The following CPT1C variants were observed in gnomAD, a reference collection of about 807,000 sequenced individuals.
The protein encoded by CPT1C is carnitine palmitoyltransferase 1C.
Under a neutral mutation model 97.3 loss-of-function variants are expected in CPT1C, and 61 were observed. The observed-to-expected ratio is 0.63, with a 90% CI of 0.51 to 0.78. The LOEUF is 0.78. Ranked by LOEUF, CPT1C falls within the 30% of genes least tolerant of loss-of-function variation. The probability of loss-of-function intolerance (pLI) is 0.00; values close to 1 mark genes in which losing one functional copy is unlikely to be tolerated. For synonymous variants in CPT1C, 469 were observed against 447.2 expected, an observed-to-expected ratio of 1.05 and a Z score of -0.61; for missense variants, 975 against 1,065.5, an observed-to-expected ratio of 0.92 and a Z score of 1.18.
At chr19:49,696,968 C>A (rs925877148) in intron 3 of CPT1C, among the ~76,000 whole-genome samples, 1 of 152,112 alleles carries the variant, frequency 6.6e-6, no homozygotes, top group Non-Finnish European at 1.5e-5. Context: ...CCTTGACCTC[C>A]CAAAGTGCTG....
In CPT1C at chr19:49,701,251, A is replaced by G. The variant is rs1212213482; in HGVS notation, c.454-66A>G. The G allele has an allele frequency of 1.9e-5, 26 of 1,379,028 alleles. No individual in the cohort carries two copies. In the South Asian group the frequency reaches 2.7e-4, roughly 14 times the overall value. The allele number at this position is 1,379,028 out of a possible 1,614,324, so 85.4% of individuals were successfully genotyped here. A position where few individuals can be genotyped will look rare whatever the true frequency, so the allele number is the denominator to read the frequency against. On this transcript the variant is annotated intron_variant, in intron 5 of 19. Transcript: ENST00000598293. Reference sequence around the variant, plus strand: ...TCTTTGGGTTTCTGTCCCACTGTCGACCCCTGCCCCGTCAACTCCCTGGCT... The same window carrying G: ...TCTTTGGGTTTCTGTCCCACTGTCGGCCCCTGCCCCGTCAACTCCCTGGCT...
At position 49,710,266 on chromosome 19, in the gene CPT1C, C is replaced by T. The variant is rs2083774575; in HGVS notation, c.1567-54C>T. 1.9e-6 allele frequency: 3 copies of T among 1,573,638 alleles called. No individual in the cohort carries two copies. In the South Asian group the frequency reaches 3.4e-5, roughly 18 times the overall value. ...CGCTTCCAGCCTTATTCCTGGCTTTCACCCTACCCCCATCTGTAACCCCAA... is the reference window on the plus strand; with the variant it reads ...CGCTTCCAGCCTTATTCCTGGCTTTTACCCTACCCCCATCTGTAACCCCAA... On this transcript the variant is annotated intron_variant, in intron 14 of 19. Coordinates refer to ENST00000598293, the MANE Select transcript of CPT1C (RefSeq NM_001199753.2).
At chr19:49,697,643 C>A in intron 4 of CPT1C, 178 bp downstream of exon 4, 2 of 644,986 alleles carry the variant, frequency 3.1e-6, no homozygotes, top group Non-Finnish European at 5.1e-6. Flanking sequence ...AGTGGCTCAC[C>A]CCTGTAATCC....
chr19:49,700,282 G>A (rs1568513984), intron 4 of CPT1C, among the ~76,000 whole-genome samples: 1 of 150,962 alleles, frequency 6.6e-6, no homozygotes, highest in Non-Finnish European at 1.5e-5. Flanking sequence ...AACGCTGATT[G>A]CTGGACCCCA....
At chr19:49,698,892 C>G (rs2082828291) in intron 4 of CPT1C, among the ~76,000 whole-genome samples, 2 of 151,862 alleles carry the variant, frequency 1.3e-5, no homozygotes, top group Non-Finnish European at 2.9e-5. Context: ...CACCTGAGGT[C>G]AGGAGCTTGA....
Position 49,710,849 on chromosome 19 carries a change from G to A in CPT1C, c.1858G>A (p.Glu620Lys), listed in dbSNP as rs1472516531. 1 of 1,612,110 alleles carries A rather than the reference G, an allele frequency of 6.2e-7. No homozygotes were observed. Among genetic ancestry groups the A allele is most frequent in the South Asian group, 1.1e-5 (1 of 91,016 alleles). The change falls in exon 16 of 20, where the codon GAG becomes AAG. Residue 620 changes from glutamate (E) to lysine (K), a missense_variant. Physicochemically the swap from Glu to Lys is moderately conservative, Grantham distance 56. Transcript: ENST00000598293. ...CTTTGTCAGGGCCATGGAGGACAAA[G>A]AGAAGACGGTGGGTGCAGCCCTCGC... Reference protein sequence around the residue: ...CNFVRAMEDKEKTDPQCLALF... With the variant: ...CNFVRAMEDKKKTDPQCLALF...
rs2084013116 is a variant in CPT1C, at chr19:49,713,040, C to T, written c.2202C>T (p.Ser734=). 6.2e-7 allele frequency: 1 copy of T among 1,613,890 alleles called. No homozygotes were observed. Among genetic ancestry groups the T allele is most frequent in the African/African-American group, 1.3e-5 (1 of 74,896 alleles). ...MGDGMITFHI[S]SKKSSTKTDS... ...ATGGCATGATCACCTTCCACATCTC[C>T]AGCAAAAAATCAAGCACAAAAACGG... The change falls in exon 19 of 20, where the codon TCC becomes TCT. Residue 734 remains serine, a synonymous_variant. Coordinates refer to ENST00000598293, the MANE Select transcript of CPT1C (RefSeq NM_001199753.2).
chr19:49,695,495 G>C (rs964960575), intron 3 of CPT1C, among the ~76,000 whole-genome samples: 87 of 151,594 alleles, frequency 5.7e-4, no homozygotes, highest in African/African-American at 2.0e-3. Context: ...ATGTTGGCCA[G>C]GATGATCTCG....
At chr19:49,693,077 G>A (rs1008581058) in intron 3 of CPT1C, among the ~76,000 whole-genome samples, 1 of 152,118 alleles carries the variant, frequency 6.6e-6, no homozygotes, top group Non-Finnish European at 1.5e-5. Flanking sequence ...TAGTAGAGAC[G>A]GGGTTTCAAC....
intron 4 of CPT1C, among the ~76,000 whole-genome samples, chr19:49,698,776 T>G (rs919631823): frequency 2.0e-5 from 3 of 152,026 alleles, no homozygotes; most frequent in African/African-American, 7.2e-5. Context: ...TATGAATAAT[T>G]GCTTCTTAGT....
rs2082399408 is a variant in CPT1C, at chr19:49,692,286, C to A, written c.34C>A (p.Pro12Thr). The change falls in exon 3 of 20, where the codon CCC becomes ACC. Residue 12 changes from proline to threonine, a missense_variant. Transcript: ENST00000598293. Reference protein sequence around the residue: ...AEAHQAVGFRPSLTSDGAEVE... With the variant: ...AEAHQAVGFRTSLTSDGAEVE... ...AGCGCACCAGGCCGTGGGCTTCCGACCCTCGCTGACCTCGGACGGGGCTGA... is the reference window on the plus strand; with the variant it reads ...AGCGCACCAGGCCGTGGGCTTCCGAACCTCGCTGACCTCGGACGGGGCTGA... The A allele has an allele frequency of 6.2e-7, 1 of 1,614,104 alleles. No individual in the cohort carries two copies. The highest frequency in any genetic ancestry group is 8.5e-7 in the Non-Finnish European group (1 of 1,180,018).
At chr19:49,707,129 G>T (rs1166176770) in intron 12 of CPT1C, among the ~76,000 whole-genome samples, 1 of 151,944 alleles carries the variant, frequency 6.6e-6, no homozygotes, top group Non-Finnish European at 1.5e-5. Flanking sequence ...GCAAAAATTA[G>T]CTGGGCATGG....
rs563116091 is a variant in CPT1C, at chr19:49,705,277, C to T, written c.943C>T (p.Arg315Trp). 9.4e-6 allele frequency: 15 copies of T among 1,603,022 alleles called. No homozygotes were observed. Among genetic ancestry groups the T allele is most frequent in the Admixed American group, 6.7e-5 (4 of 59,506 alleles). Residue 315 changes from arginine (R) to tryptophan (W), a missense_variant, in exon 10 of 20, where the codon CGG becomes TGG. Physicochemically the swap from Arg to Trp is moderately radical, Grantham distance 101. Transcript: ENST00000598293. Reference sequence around the variant, plus strand: ...GTACGAGAAGATCTTCAACACCACGCGGATTCCAGGGGTCCAAAAAGGTGA... The same window carrying T: ...GTACGAGAAGATCTTCAACACCACGTGGATTCCAGGGGTCCAAAAAGGTGA... ...AQYEKIFNTTRIPGVQKDYIR... is the reference protein window; with the variant it reads ...AQYEKIFNTTWIPGVQKDYIR...
At chr19:49,701,840 T>C (rs1173417841) in intron 7 of CPT1C, among the ~76,000 whole-genome samples, 1 of 129,388 alleles carries the variant, frequency 7.7e-6, no homozygotes, top group Non-Finnish European at 1.6e-5. Flanking sequence ...TATATATGTA[T>C]ATATATTTAT....
Position 49,695,803 on chromosome 19 carries a change from G to A in CPT1C, c.142-1523G>A, listed in dbSNP as rs908983757. 2.0e-5 allele frequency among the ~76,000 whole-genome samples: 3 copies of A among 152,080 alleles called. No homozygotes were observed. The South Asian group carries it at 6.2e-4, about 32-fold the overall frequency. ...TCACCATGTTGGCCAGGATGGTCTC[G>A]ATCTCTTGACCTCGTGATCCGCCCA... On this transcript the variant is annotated intron_variant, in intron 3 of 19. Transcript: ENST00000598293.
At chr19:49,712,625 A>G (rs1261363706) in intron 17 of CPT1C, 111 bp from the exon 18 acceptor site, 3 of 760,102 alleles carry the variant, frequency 3.9e-6, no homozygotes, top group Non-Finnish European at 6.9e-6. Flanking sequence ...AGGGAGAAGG[A>G]GGCCCGGATT....
chr19:49,699,040 T>G (rs2082838587), intron 4 of CPT1C, among the ~76,000 whole-genome samples: 1 of 151,828 alleles, frequency 6.6e-6, no homozygotes, highest in East Asian at 1.9e-4. Flanking sequence ...GAGGCGGAGC[T>G]TGCAGTGAGG....
chr19:49,713,561 C>T lies in CPT1C; in HGVS notation c.2368C>T (p.Gln790Ter). 1 of 1,613,824 alleles carries T rather than the reference C, an allele frequency of 6.2e-7. No homozygotes were observed. The highest frequency in any genetic ancestry group is 8.5e-7 in the Non-Finnish European group (1 of 1,179,850). ...GCACAGGTGTGGATTTCTCTCCCGC[C>T]AGACTGGGGCCTCCAAGGCCTCAAT... ...SRHRCGFLSR[Q>*]TGASKASMTS... Residue 790 changes from glutamine to a stop codon, truncating the protein, a stop_gained, in exon 20 of 20, where the codon CAG becomes TAG. Transcript: ENST00000598293. LOFTEE classifies it low-confidence loss of function (END_TRUNC).
rs140549893 is a variant in CPT1C at position 49,711,946 on chromosome 19, G to A, written c.2004G>A (p.Ser668=). ...YIVSRFLHLQ[S]PFLTQVHSEQ... is the part of the protein sequence containing the mutation. ...TGTCCCGATTCCTCCACCTGCAGTC[G>A]CCCTTCCTGACCCAGGTTGGGGCAC... Residue 668 remains serine, a synonymous_variant, in exon 17 of 20, where the codon TCG becomes TCA. Transcript: ENST00000598293. The A allele has an allele frequency of 1.7e-5, 27 of 1,613,828 alleles. No individual in the cohort carries two copies. Among genetic ancestry groups the A allele is most frequent in the South Asian group, 1.4e-4 (13 of 91,068 alleles).
Sources: allele counts gnomAD v4.1 joint callset (sites outside exome capture counted in the v4.1 genomes callset), GRCh38; gene constraint gnomAD v4.1.1; transcripts MANE v1.5; gene names NCBI Gene and HGNC (gene_info 2026-07-23, HGNC 2026-07-21).